Variants in DEXI observed in about 807,000 individuals in gnomAD.
The protein encoded by DEXI is dexamethasone-induced protein.
A neutral mutation model predicts 2.5 loss-of-function variants in DEXI; 2 were observed. The ratio of observed to expected loss-of-function variants is 0.81; its 90% CI spans 0.33 to 2.55. The LOEUF is 2.55. DEXI is among the 30% of genes most tolerant of loss of function. The pLI, the probability that DEXI is intolerant of heterozygous loss-of-function variation, is 0.11. For synonymous variants in DEXI, 71 were observed against 68.7 expected (o/e 1.03, Z -0.17); for missense variants, 108 against 130.3 (o/e 0.83, Z 0.83).
At position 10,940,068 on chromosome 16, in the gene DEXI, T is replaced by G. The variant is rs553480002; in HGVS notation, c.*149+1501A>C. 8.5e-5 allele frequency: 13 copies of G among 152,374 alleles called. No homozygotes were observed. Among genetic ancestry groups the G allele is most frequent in the South Asian group, 4.1e-4 (2 of 4,830 alleles). The allele number at this position is 152,374 out of a possible 1,614,324, so 9.4% of individuals were successfully genotyped here. A position where few individuals can be genotyped will look rare whatever the true frequency, so the allele number is the denominator to read the frequency against. On this transcript the variant is annotated intron_variant, in intron 1 of 1. Coordinates refer to ENST00000331808, the MANE Select transcript of DEXI (RefSeq NM_014015.4). The surrounding 1 kb of genome is among the most constrained non-coding windows in gnomAD (Gnocchi z 4.2). ...AGATGTTACTGAGCTCAACTGAAGC[T>G]TTTTCTTCAAAGAAATCTCACTGTG...
At chr16:10,933,051 G>C (rs1289216207) in intron 1 of DEXI, 2 of 152,230 alleles carry the variant, frequency 1.3e-5, no homozygotes, top group African/African-American at 2.4e-5. Context: ...AAGCACCCCA[G>C]AGCTGGAGCT....
rs1300385594 is a variant in DEXI, at chr16:10,942,444, C to A, written c.-439G>T. 1 of 153,360 alleles carries A rather than the reference C, an allele frequency of 6.5e-6. No individual in the cohort carries two copies. Among genetic ancestry groups the A allele is most frequent in the Non-Finnish European group, 1.5e-5 (1 of 68,836 alleles). The allele number at this position is 153,360 out of a possible 1,614,324, so 9.5% of individuals were successfully genotyped here. ...GGCCCAGCACCCATGGCTGCGGCCG[C>A]CGCGTAGCCCTCCCGGTGGCGCTCG... On this transcript the variant is annotated 5_prime_UTR_variant, in exon 1 of 2. Coordinates refer to ENST00000331808, the MANE Select transcript of DEXI (RefSeq NM_014015.4). The surrounding 1 kb of genome is among the most constrained non-coding windows in gnomAD (Gnocchi z 5.0).
Position 10,941,349 on chromosome 16 carries a change from T to G in DEXI, c.*149+220A>C. The G allele has an allele frequency of 4.7e-6, 1 of 213,700 alleles. No individual in the cohort carries two copies. The highest frequency in any genetic ancestry group is 8.8e-6 in the Non-Finnish European group (1 of 113,842). The allele number at this position is 213,700 out of a possible 1,614,324, so 13.2% of individuals were successfully genotyped here. ...CCCCAAATGTAACTTAGTCTCGGGG[T>G]CTCCTTCCTTTTCACCAGCTGTCCC... is the stretch of plus-strand genomic sequence containing the variant. On this transcript the variant is annotated intron_variant, in intron 1 of 1. Coordinates refer to ENST00000331808, the MANE Select transcript of DEXI (RefSeq NM_014015.4). This position sits in a 1 kb window ranked among gnomAD's most constrained non-coding sequence, Gnocchi z 6.4.
Position 10,941,844 on chromosome 16 carries a change from C to T in DEXI, c.162G>A (p.Val54=), listed in dbSNP as rs920602929. ...AFLMEYIVLN[V]GLVFLPEDMD... Reference sequence around the variant, plus strand: ...TGTCCTCGGGCAGGAAGACGAGGCCCACGTTGAGGACGATGTACTCCATGA... The same window carrying T: ...TGTCCTCGGGCAGGAAGACGAGGCCTACGTTGAGGACGATGTACTCCATGA... The change falls in exon 1 of 2, where the codon GTG becomes GTA. Residue 54 remains valine, a synonymous_variant. Transcript: ENST00000331808. The surrounding 1 kb of genome is among the most constrained non-coding windows in gnomAD (Gnocchi z 6.4). 1.9e-6 allele frequency: 3 copies of T among 1,613,010 alleles called. No homozygotes were observed. The highest frequency in any genetic ancestry group is 1.7e-6 in the Non-Finnish European group (2 of 1,179,850).
At chr16:10,931,490 G>A (rs897560562) in intron 1 of DEXI, 1 of 152,208 alleles carries the variant, frequency 6.6e-6, no homozygotes, top group African/African-American at 2.4e-5. Flanking sequence ...TTTTCATTGT[G>A]TTTATCTGTA....
At chr16:10,932,564 G>A (rs1808357806) in intron 1 of DEXI, 1 of 151,784 alleles carries the variant, frequency 6.6e-6, no homozygotes, top group South Asian at 2.1e-4. Flanking sequence ...CAATCTTTTG[G>A]CTTCCCTGGG....
intron 1 of DEXI, chr16:10,930,494 C>T (rs1308516515): frequency 1.3e-5 from 2 of 152,148 alleles, no homozygotes; most frequent in Admixed American, 6.5e-5. Flanking sequence ...GAACTGTTTC[C>T]ATTGAGACCC....
intron 1 of DEXI, chr16:10,933,802 A>G (rs1013102302): frequency 1.3e-5 from 2 of 152,234 alleles, no homozygotes; most frequent in African/African-American, 2.4e-5. Context: ...CCAAAAAATC[A>G]ATTAAAGTGG....
Position 10,934,647 on chromosome 16 carries a change from T to G in DEXI, c.*150-5088A>C, listed in dbSNP as rs1196657356. On this transcript the variant is annotated intron_variant, in intron 1 of 1. Coordinates refer to ENST00000331808, the MANE Select transcript of DEXI (RefSeq NM_014015.4). This position sits in a 1 kb window ranked among gnomAD's most constrained non-coding sequence, Gnocchi z 4.2. ...AGCCTCAGTTTCCTCCCTGGTCTAATGGAACCCTCCTTGGCGGCTTCACAG... is the reference window on the plus strand; with the variant it reads ...AGCCTCAGTTTCCTCCCTGGTCTAAGGGAACCCTCCTTGGCGGCTTCACAG... The G allele has an allele frequency of 2.0e-5, 3 of 152,244 alleles. No homozygotes were observed. Among genetic ancestry groups the G allele is most frequent in the African/African-American group, 7.2e-5 (3 of 41,466 alleles). The allele number at this position is 152,244 out of a possible 1,614,324, so 9.4% of individuals were successfully genotyped here. A position where few individuals can be genotyped will look rare whatever the true frequency, so the allele number is the denominator to read the frequency against.
chr16:10,929,370 A>T lies in DEXI; in HGVS notation c.*339T>A, dbSNP rs2040676521. ...TAAACATCCATCGCAGCTGCAAATA[A>T]TCAGAAGCCAAGGCCAGGCCATCGA... On this transcript the variant is annotated 3_prime_UTR_variant, in exon 2 of 2. Transcript: ENST00000331808. This position sits in a 1 kb window ranked among gnomAD's most constrained non-coding sequence, Gnocchi z 4.3. 2.0e-6 allele frequency: 2 copies of T among 985,774 alleles called. No homozygotes were observed. Among genetic ancestry groups the T allele is most frequent in the South Asian group, 9.4e-5 (2 of 21,294 alleles). 61.1% of individuals were successfully genotyped at this position (985,774 alleles called of 1,614,324 possible). A position where few individuals can be genotyped will look rare whatever the true frequency, so the allele number is the denominator to read the frequency against.
In DEXI at chr16:10,929,641, C is replaced by T; in HGVS notation, c.*150-82G>A. 1.1e-6 allele frequency: 1 copy of T among 892,720 alleles called. No individual in the cohort carries two copies. The highest frequency in any genetic ancestry group is 1.3e-6 in the Non-Finnish European group (1 of 745,382). The allele number at this position is 892,720 out of a possible 1,614,324, so 55.3% of individuals were successfully genotyped here. A position where few individuals can be genotyped will look rare whatever the true frequency, so the allele number is the denominator to read the frequency against. On this transcript the variant is annotated intron_variant, in intron 1 of 1. Coordinates refer to ENST00000331808, the MANE Select transcript of DEXI (RefSeq NM_014015.4). This position sits in a 1 kb window ranked among gnomAD's most constrained non-coding sequence, Gnocchi z 4.3. ...TTGGCTGGGGACAGGGACCAATCCA[C>T]CAGGCTCGGGAGGCTTGGGGTGGGG...
rs2040957844 is a variant in DEXI at position 10,934,802 on chromosome 16, G to A, written c.*150-5243C>T. ...TTGAGGGAGTTCCCCGCCACTCCAA[G>A]CTTGGGGCCTGGGATGGCAGCTGTG... On this transcript the variant is annotated intron_variant, in intron 1 of 1. Transcript: ENST00000331808. This position sits in a 1 kb window ranked among gnomAD's most constrained non-coding sequence, Gnocchi z 4.2. 2 of 152,250 alleles carry A rather than the reference G, an allele frequency of 1.3e-5. No homozygotes were observed. The highest frequency in any genetic ancestry group is 4.8e-5 in the African/African-American group (2 of 41,456). 9.4% of individuals were successfully genotyped at this position (152,250 alleles called of 1,614,324 possible).
Position 10,941,826 on chromosome 16 carries a change from G to A in DEXI, c.180C>T (p.Pro60=), listed in dbSNP as rs1466089642. 4.3e-6 allele frequency: 7 copies of A among 1,613,376 alleles called. No individual in the cohort carries two copies. The highest frequency in any genetic ancestry group is 5.9e-6 in the Non-Finnish European group (7 of 1,179,864). Residue 60 remains proline (P), a synonymous_variant, in exon 1 of 2, where the codon CCC becomes CCT. Transcript: ENST00000331808. The surrounding 1 kb of genome is among the most constrained non-coding windows in gnomAD (Gnocchi z 6.4). ...CCACGAGCGCCTGGTCCATGTCCTC[G>A]GGCAGGAAGACGAGGCCCACGTTGA... ...IVLNVGLVFL[P]EDMDQALVDL...
At chr16:10,935,200 TGTAA>T (rs2040977721) in intron 1 of DEXI, 1 of 152,266 alleles carries the variant, frequency 6.6e-6, no homozygotes, top group Non-Finnish European at 1.5e-5. Context: ...CTGCAAAGCA[TGTAA>T]GTAACAATTT....
At chr16:10,931,562 T>A (rs1363194590) in intron 1 of DEXI, 1 of 152,146 alleles carries the variant, frequency 6.6e-6, no homozygotes, top group Non-Finnish European at 1.5e-5. Flanking sequence ...AATATAGTTT[T>A]TCTTTTCCAA....
In DEXI at chr16:10,942,051, G is replaced by A. The variant is rs1328200245; in HGVS notation, c.-46C>T. Reference sequence around the variant, plus strand: ...CGGCCCGGCGATCCCGGCGAACTCAGCCGCTGCGGCGCCCGGGCGGCCGGC... The same window carrying A: ...CGGCCCGGCGATCCCGGCGAACTCAACCGCTGCGGCGCCCGGGCGGCCGGC... On this transcript the variant is annotated 5_prime_UTR_variant, in exon 1 of 2. Coordinates refer to ENST00000331808, the MANE Select transcript of DEXI (RefSeq NM_014015.4). This position sits in a 1 kb window ranked among gnomAD's most constrained non-coding sequence, Gnocchi z 5.0. The A allele has an allele frequency of 2.2e-6, 3 of 1,336,424 alleles. No homozygotes were observed. Among genetic ancestry groups the A allele is most frequent in the Non-Finnish European group, 2.9e-6 (3 of 1,046,558 alleles). The allele number at this position is 1,336,424 out of a possible 1,614,324, so 82.8% of individuals were successfully genotyped here.
intron 1 of DEXI, chr16:10,932,406 A>G (rs2040835383): frequency 6.6e-6 from 1 of 152,208 alleles, no homozygotes; most frequent in Admixed American, 6.5e-5. Flanking sequence ...CCTGCATTTC[A>G]CATGGAGCTC....
rs565139007 is a variant in DEXI at position 10,937,942 on chromosome 16, G to A, written c.*149+3627C>T. On this transcript the variant is annotated intron_variant, in intron 1 of 1. Transcript: ENST00000331808. The surrounding 1 kb of genome is among the most constrained non-coding windows in gnomAD (Gnocchi z 4.2). ...CAGAGTGGGAAGTCTCCCCCAGCTA[G>A]GCTAGACCTGGACCTCCCTGGCACT... 67 of 152,398 alleles carry A rather than the reference G, an allele frequency of 4.4e-4. No individual in the cohort carries two copies. Among genetic ancestry groups the A allele is most frequent in the African/African-American group, 1.5e-3 (63 of 41,562 alleles). The allele number at this position is 152,398 out of a possible 1,614,324, so 9.4% of individuals were successfully genotyped here. A position where few individuals can be genotyped will look rare whatever the true frequency, so the allele number is the denominator to read the frequency against.
At position 10,937,907 on chromosome 16, in the gene DEXI, G is replaced by A. The variant is rs1331889859; in HGVS notation, c.*149+3662C>T. 1 of 152,236 alleles carries A rather than the reference G, an allele frequency of 6.6e-6. No homozygotes were observed. The highest frequency in any genetic ancestry group is 1.5e-5 in the Non-Finnish European group (1 of 68,070). 9.4% of individuals were successfully genotyped at this position (152,236 alleles called of 1,614,324 possible). On this transcript the variant is annotated intron_variant, in intron 1 of 1. Coordinates refer to ENST00000331808, the MANE Select transcript of DEXI (RefSeq NM_014015.4). The surrounding 1 kb of genome is among the most constrained non-coding windows in gnomAD (Gnocchi z 4.2). ...AGAAAGTTCTCCTAAGGGTCCTGGG[G>A]CTGGGAAGGCAGAGTGGGAAGTCTC...
Sources: gnomAD v4.1 joint callset for allele counts on GRCh38, gnomAD v4.1.1 for gene constraint, Gnocchi (gnomAD v3.1) non-coding constraint, MANE v1.5 for transcripts, NCBI Gene and HGNC (gene_info 2026-07-23, HGNC 2026-07-21) for gene names.